Variants in C10orf71 observed in about 807,000 individuals in gnomAD.
C10orf71 encodes the protein chromosome 10 open reading frame 71.
For synonymous variants in C10orf71, 758 were observed against 726.3 expected, an observed-to-expected ratio of 1.04 and a Z score of -0.70; for missense variants, 1,869 against 1,804.5, an observed-to-expected ratio of 1.04 and a Z score of -0.65.
In C10orf71 at chr10:49,326,464, T is replaced by C; in HGVS notation, c.3919T>C (p.Tyr1307His). ...KTFYDPETGK[Y>H]VKVSIPSSEG... ...CTTCTATGACCCAGAGACGGGCAAG[T>C]ATGTCAAGGTCTCCATCCCGTCCTC... Residue 1307 changes from tyrosine to histidine, a missense_variant, in exon 3 of 3, where the codon TAT becomes CAT. Physicochemically the swap from Tyr to His is moderately conservative, Grantham distance 83. Coordinates refer to ENST00000374144, the MANE Select transcript of C10orf71 (RefSeq NM_001135196.2). 6.5e-7 allele frequency: 1 copy of C among 1,550,210 alleles called. No individual in the cohort carries two copies.
intron 1 of C10orf71, among the ~76,000 whole-genome samples, chr10:49,308,617 C>T (rs1167424762): frequency 6.6e-6 from 1 of 152,154 alleles, no homozygotes; most frequent in Non-Finnish European, 1.5e-5. Context: ...GGTAATTGTG[C>T]TTTTACAAAG....
Position 49,324,422 on chromosome 10 carries a change from G to C in C10orf71, c.1877G>C (p.Gly626Ala), listed in dbSNP as rs372959905. 9 of 1,610,756 alleles carry C rather than the reference G, an allele frequency of 5.6e-6. No homozygotes were observed. The African/African-American group carries it at 1.2e-4, about 22-fold the overall frequency. ...GAGGTGGAAGGAGAGTTGGAGATGG[G>C]TCCTGCCGGATCCAGCTGGTGTCCA... is the stretch of plus-strand genomic sequence containing the variant. ...NKEVEGELEM[G>A]PAGSSWCPDS... The change falls in exon 3 of 3, where the codon GGT becomes GCT. Residue 626 changes from glycine (G) to alanine (A), a missense_variant. By Grantham distance (60) the Gly-to-Ala change is moderately conservative. Coordinates refer to ENST00000374144, the MANE Select transcript of C10orf71 (RefSeq NM_001135196.2).
At position 49,323,860 on chromosome 10, in the gene C10orf71, C is replaced by T. The variant is rs201896971; in HGVS notation, c.1315C>T (p.Pro439Ser). ...TGTGGAACCCAATGAACATTATGAT[C>T]CCCCCTTTAACATCAGTAAGCTCCT... ...LPVEPNEHYD[P>S]PFNISKLLTP... Residue 439 changes from proline to serine, a missense_variant, in exon 3 of 3, where the codon CCC becomes TCC. Physicochemically the swap from Pro to Ser is moderately conservative, Grantham distance 74 (BLOSUM62 -1). Transcript: ENST00000374144. 8.1e-6 allele frequency: 13 copies of T among 1,613,270 alleles called. No individual in the cohort carries two copies. The highest frequency in any genetic ancestry group is 1.1e-5 in the Non-Finnish European group (13 of 1,179,788).
chr10:49,310,145 G>T (rs1848885849), intron 1 of C10orf71, among the ~76,000 whole-genome samples: 1 of 152,192 alleles, frequency 6.6e-6, no homozygotes, highest in East Asian at 1.9e-4. Context: ...CCCCAGCTCT[G>T]CAGAGCCCAG....
chr10:49,325,417 T>C lies in C10orf71; in HGVS notation c.2872T>C (p.Phe958Leu), dbSNP rs1208212425. ...EASQPAPKGNFPSMPLVGEGD... is the reference protein window; with the variant it reads ...EASQPAPKGNLPSMPLVGEGD... ...CTCTCAGCCAGCCCCAAAGGGGAAT[T>C]TCCCATCTATGCCTCTGGTGGGAGA... The change falls in exon 3 of 3, where the codon TTC becomes CTC. Residue 958 changes from phenylalanine (F) to leucine (L), a missense_variant. Transcript: ENST00000374144. The C allele has an allele frequency of 1.3e-6, 2 of 1,550,140 alleles. No homozygotes were observed. The highest frequency in any genetic ancestry group is 2.4e-5 in the South Asian group (2 of 84,028).
Position 49,326,384 on chromosome 10 carries a change from C to T in C10orf71, c.3839C>T (p.Pro1280Leu). The T allele has an allele frequency of 1.3e-6, 2 of 1,550,578 alleles. No individual in the cohort carries two copies. Among genetic ancestry groups the T allele is most frequent in the Non-Finnish European group, 1.7e-6 (2 of 1,146,918 alleles). ...YPATQKVLQD[P>L]QSGEYFVFDL... ...GCCACCCAGAAGGTCCTCCAGGATCCGCAGTCCGGGGAGTACTTTGTCTTC... is the reference window on the plus strand; with the variant it reads ...GCCACCCAGAAGGTCCTCCAGGATCTGCAGTCCGGGGAGTACTTTGTCTTC... The change falls in exon 3 of 3, where the codon CCG becomes CTG. Residue 1280 changes from proline to leucine, a missense_variant. Physicochemically the swap from Pro to Leu is moderately conservative, Grantham distance 98. Transcript: ENST00000374144.
rs1564692264 is a variant in C10orf71 at position 49,325,143 on chromosome 10, CG to C, written c.2599del (p.Val867Ter). The C allele has an allele frequency of 2.6e-6, 4 of 1,552,138 alleles. No individual in the cohort carries two copies. The South Asian group carries it at 4.8e-5, about 18-fold the overall frequency. On this transcript the variant is annotated frameshift_variant, in exon 3 of 3. Coordinates refer to ENST00000374144, the MANE Select transcript of C10orf71 (RefSeq NM_001135196.2). LOFTEE classifies it low-confidence loss of function (END_TRUNC). ...IKDNTLRATP[V>X]IKPIMLPLLR... ...AAGACAACACCCTCAGAGCTACCCCCGTAATTAAACCTATCATGCTGCCTCT... is the reference window on the plus strand; with the variant it reads ...AAGACAACACCCTCAGAGCTACCCCCTAATTAAACCTATCATGCTGCCTCT...
rs114872470 is a variant in C10orf71, at chr10:49,323,143, G to A, written c.598G>A (p.Ala200Thr). The A allele has an allele frequency of 7.1e-4, 1,149 of 1,613,910 alleles. 6 individuals carry two copies. The African/African-American group carries it at 0.013, about 19-fold the overall frequency. ...SAFLTVRRVPAEVSNTHQNSY... is the reference protein window; with the variant it reads ...SAFLTVRRVPTEVSNTHQNSY... ...CTTTCTGACAGTCAGGAGGGTGCCC[G>A]CTGAAGTTTCCAACACCCATCAGAA... is the stretch of plus-strand genomic sequence containing the variant. The change falls in exon 3 of 3, where the codon GCT (alanine) becomes ACT (threonine). Residue 200 changes from alanine (A) to threonine (T), a missense_variant. Physicochemically the swap from Ala to Thr is moderately conservative, Grantham distance 58. Coordinates refer to ENST00000374144, the MANE Select transcript of C10orf71 (RefSeq NM_001135196.2).
Position 49,325,035 on chromosome 10 carries a change from TA to T in C10orf71, c.2492del (p.Lys831ArgfsTer37). 7 of 1,551,598 alleles carry T rather than the reference TA, an allele frequency of 4.5e-6. No individual in the cohort carries two copies. The highest frequency in any genetic ancestry group is 6.1e-6 in the Non-Finnish European group (7 of 1,146,986). ...NFRGSWIGENKGTTFSQAKDL... is the reference protein window; with the variant it reads ...NFRGSWIGENXGTTFSQAKDL... ...TCAGAGGCTCTTGGATTGGGGAAAA[TA>T]AGGGCACAACCTTTTCACAGGCCAA... On this transcript the variant is annotated frameshift_variant, in exon 3 of 3. Transcript: ENST00000374144. LOFTEE classifies it low-confidence loss of function (END_TRUNC).
At chr10:49,301,279 G>A (rs1264844810) in intron 1 of C10orf71, among the ~76,000 whole-genome samples, 2 of 152,212 alleles carry the variant, frequency 1.3e-5, no homozygotes, top group Admixed American at 6.5e-5. Context: ...CGAGGCTGGA[G>A]TGGATTTTGG....
rs1334557849 is a variant in C10orf71 at position 49,312,591 on chromosome 10, A to G, written c.-247-3554A>G. ...CCAGAAGGCATCAAAGCCACTCCCC[A>G]ACTTAGAGCACTGAGAGCAGTGTGA... On this transcript the variant is annotated intron_variant, in intron 1 of 2. Transcript: ENST00000374144. 2.6e-5 allele frequency among the ~76,000 whole-genome samples: 4 copies of G among 152,210 alleles called. No homozygotes were observed. The East Asian group carries it at 7.7e-4, about 29-fold the overall frequency.
chr10:49,316,656 G>C lies in C10orf71; in HGVS notation c.-145+409G>C, dbSNP rs574049064. 3.9e-5 allele frequency among the ~76,000 whole-genome samples: 6 copies of C among 152,298 alleles called. No homozygotes were observed. In the South Asian group the frequency reaches 1.2e-3, roughly 32 times the overall value. On this transcript the variant is annotated intron_variant, in intron 2 of 2. Coordinates refer to ENST00000374144, the MANE Select transcript of C10orf71 (RefSeq NM_001135196.2). ...TTGTAGCCTCAAGGTGACAGCTAAA[G>C]TTCCAGGCCAGGAAATGTCAGGGGC...
chr10:49,311,179 C>A lies in C10orf71; in HGVS notation c.-247-4966C>A, dbSNP rs566975059. On this transcript the variant is annotated intron_variant, in intron 1 of 2. Coordinates refer to ENST00000374144, the MANE Select transcript of C10orf71 (RefSeq NM_001135196.2). ...GGTGATTGTGGTCCCTGAGTTGGGA[C>A]CTCCAGCGTCACCCAGTGGGGCTCT... is the stretch of plus-strand genomic sequence containing the variant. 3.3e-5 allele frequency among the ~76,000 whole-genome samples: 5 copies of A among 152,188 alleles called. No individual in the cohort carries two copies. The South Asian group carries it at 6.3e-4, about 19-fold the overall frequency.
Position 49,326,535 on chromosome 10 carries a change from T to C in C10orf71, c.3990T>C (p.Ala1330=). 1.3e-6 allele frequency: 2 copies of C among 1,550,118 alleles called. No homozygotes were observed. The highest frequency in any genetic ancestry group is 1.7e-6 in the Non-Finnish European group (2 of 1,146,794). Residue 1330 remains alanine (A), a synonymous_variant, in exon 3 of 3, where the codon GCT becomes GCC. Transcript: ENST00000374144. The part of the protein sequence containing the change: ...PEPPPPDALA[A]PYVLYPGFQP... ...CGCCCCCACCGGACGCCCTGGCCGC[T>C]CCCTATGTGCTGTACCCCGGCTTCC...
chr10:49,306,839 A>T (rs534655967), intron 1 of C10orf71, among the ~76,000 whole-genome samples: 1 of 152,340 alleles, frequency 6.6e-6, no homozygotes, highest in Non-Finnish European at 1.5e-5. Flanking sequence ...CCCACCATTC[A>T]CATGGCCCCA....
Position 49,323,822 on chromosome 10 carries a change from C to T in C10orf71, c.1277C>T (p.Ala426Val), listed in dbSNP as rs1849152544. 1 of 1,613,944 alleles carries T rather than the reference C, an allele frequency of 6.2e-7. No individual in the cohort carries two copies. The highest frequency in any genetic ancestry group is 8.5e-7 in the Non-Finnish European group (1 of 1,179,896). Residue 426 changes from alanine (A) to valine (V), a missense_variant, in exon 3 of 3, where the codon GCT becomes GTT. Physicochemically the swap from Ala to Val is moderately conservative, Grantham distance 64. Coordinates refer to ENST00000374144, the MANE Select transcript of C10orf71 (RefSeq NM_001135196.2). The stretch of plus-strand genomic sequence containing the variant: ...CAGGAACAGTTTTCAGAAAACAATG[C>T]TCTTGACCTGCCTGTGGAACCCAAT... ...NPQEQFSENN[A>V]LDLPVEPNEH...
At position 49,322,725 on chromosome 10, in the gene C10orf71, C is replaced by T; in HGVS notation, c.180C>T (p.Thr60=). The part of the protein sequence containing the change: ...DSYLAVSPDI[T]RQVFGTFHQR... ...ATCTGGCTGTGTCCCCGGATATCAC[C>T]CGACAGGTGTTTGGGACTTTTCACC... is the stretch of plus-strand genomic sequence containing the variant. Residue 60 remains threonine, a synonymous_variant, in exon 3 of 3, where the codon ACC becomes ACT. Coordinates refer to ENST00000374144, the MANE Select transcript of C10orf71 (RefSeq NM_001135196.2). 1 of 1,613,918 alleles carries T rather than the reference C, an allele frequency of 6.2e-7. No homozygotes were observed. The highest frequency in any genetic ancestry group is 8.5e-7 in the Non-Finnish European group (1 of 1,179,862).
chr10:49,302,640 C>A (rs577682029), intron 1 of C10orf71, among the ~76,000 whole-genome samples: 1 of 152,348 alleles, frequency 6.6e-6, no homozygotes, highest in South Asian at 2.1e-4. Flanking sequence ...GATCTGAATG[C>A]AACTCCCATG....
intron 1 of C10orf71, among the ~76,000 whole-genome samples, chr10:49,306,197 T>A (rs1357488149): frequency 6.6e-6 from 1 of 152,184 alleles, no homozygotes; most frequent in Non-Finnish European, 1.5e-5. Flanking sequence ...GTGGTGGGGA[T>A]CCAGGACCTG....
Sources: gnomAD v4.1 joint callset for allele counts (sites outside exome capture counted in the v4.1 genomes callset) on GRCh38, gnomAD v4.1.1 for gene constraint, MANE v1.5 for transcripts, NCBI Gene and HGNC (gene_info 2026-07-23, HGNC 2026-07-21) for gene names.